BCKDHB: variants seen among roughly 807,000 people sequenced by gnomAD.
BCKDHB encodes the protein 2-oxoisovalerate dehydrogenase subunit beta, mitochondrial.
Under a neutral mutation model 48.5 loss-of-function variants are expected in BCKDHB, and 41 were observed. That is an observed-to-expected ratio of 0.85 (90% CI 0.66 to 1.10). The LOEUF is 1.10. BCKDHB is among the 50% of genes least tolerant of loss of function. The probability of loss-of-function intolerance (pLI) is 0.00; values close to 1 mark genes in which losing one functional copy is unlikely to be tolerated. For missense variants in BCKDHB, 496 were observed against 494.2 expected (o/e 1.00, Z -0.03); for synonymous variants, 201 against 174.8 (o/e 1.15, Z -1.18).
intron 8 of BCKDHB, among the ~76,000 whole-genome samples, chr6:80,240,210 G>A (rs1256357310): frequency 6.6e-6 from 1 of 152,082 alleles, no homozygotes; most frequent in East Asian, 1.9e-4. Context: ...TGATGGGGAT[G>A]GCATTGAATC....
intron 6 of BCKDHB, among the ~76,000 whole-genome samples, chr6:80,185,774 T>C (rs1283585082): frequency 6.6e-6 from 1 of 152,184 alleles, no homozygotes; most frequent in Non-Finnish European, 1.5e-5. Flanking sequence ...TGAGGTGATA[T>C]GTCTTCATAT....
At chr6:80,386,941 A>ACTACATTAC in the BCKDHB span, among the ~76,000 whole-genome samples, 1 of 152,180 alleles carries the variant, frequency 6.6e-6, no homozygotes. Context: ...AAAGGACCCC[A>ACTACATTAC]CTACATTACC....
intron 6 of BCKDHB, among the ~76,000 whole-genome samples, chr6:80,186,581 T>C (rs1773652157): frequency 6.6e-6 from 1 of 152,178 alleles, no homozygotes; most frequent in South Asian, 2.1e-4. Context: ...TATCTGCAAG[T>C]TATATGTGCA....
chr6:80,107,042 CTG>C (rs1769111635), intron 1 of BCKDHB, among the ~76,000 whole-genome samples, 153 bp downstream of exon 1: 1 of 151,960 alleles, frequency 6.6e-6, no homozygotes, highest in Non-Finnish European at 1.5e-5. Context: ...CAGGGTCTAA[CTG>C]TGGTTCACTT....
At position 80,344,289 on chromosome 6, in the gene BCKDHB, G is replaced by A. The variant is rs1335565253; in HGVS notation, c.*485G>A. On this transcript the variant is annotated 3_prime_UTR_variant, in exon 10 of 10. Coordinates refer to ENST00000320393, the MANE Select transcript of BCKDHB (RefSeq NM_183050.4). ...CAAAGTGCTGGGATTACAGGCATGAGCCACTGCACCTGGCTATATTTACAT... is the reference window on the plus strand; with the variant it reads ...CAAAGTGCTGGGATTACAGGCATGAACCACTGCACCTGGCTATATTTACAT... 6 of 198,410 alleles carry A rather than the reference G, an allele frequency of 3.0e-5. No homozygotes were observed. The highest frequency in any genetic ancestry group is 6.2e-5 in the Non-Finnish European group (6 of 96,716). 12.3% of individuals were successfully genotyped at this position (198,410 alleles called of 1,614,324 possible). A position where few individuals can be genotyped will look rare whatever the true frequency, so the allele number is the denominator to read the frequency against.
intron 8 of BCKDHB, among the ~76,000 whole-genome samples, chr6:80,248,692 A>G (rs1043819790): frequency 6.6e-6 from 1 of 152,074 alleles, no homozygotes; most frequent in African/African-American, 2.4e-5. Flanking sequence ...GCATGTGGGA[A>G]AGTTTAAGGT....
At chr6:80,246,868 A>C (rs964165952) in intron 8 of BCKDHB, among the ~76,000 whole-genome samples, 1 of 151,800 alleles carries the variant, frequency 6.6e-6, no homozygotes, top group Non-Finnish European at 1.5e-5. Context: ...TACATAGACA[A>C]ACTCACACAT....
At chr6:80,178,027 A>G (rs1056919918) in intron 6 of BCKDHB, among the ~76,000 whole-genome samples, 1 of 152,196 alleles carries the variant, frequency 6.6e-6, no homozygotes, top group African/African-American at 2.4e-5. Context: ...CTTGTAGAAC[A>G]TACTCTTTCC....
At chr6:80,298,824 C>CG (rs1486846501) in intron 9 of BCKDHB, among the ~76,000 whole-genome samples, 2 of 152,148 alleles carry the variant, frequency 1.3e-5, no homozygotes, top group African/African-American at 4.8e-5. Flanking sequence ...TTGCAGCCAA[C>CG]GCTGAATCAG....
intron 6 of BCKDHB, among the ~76,000 whole-genome samples, chr6:80,178,490 G>A (rs1032582925): frequency 2.1e-4 from 32 of 152,304 alleles, no homozygotes; most frequent in African/African-American, 7.0e-4. Context: ...AATAGGTGAA[G>A]TAGGAACCCC....
the BCKDHB span, among the ~76,000 whole-genome samples, chr6:80,374,861 C>G: frequency 3.9e-5 from 6 of 152,012 alleles, no homozygotes; most frequent in Admixed American, 3.3e-4. Flanking sequence ...GTGAATTCTC[C>G]CAGCATTTGT....
chr6:80,282,462 GTGT>G (rs1253588881), intron 9 of BCKDHB, among the ~76,000 whole-genome samples: 1 of 152,064 alleles, frequency 6.6e-6, no homozygotes, highest in Non-Finnish European at 1.5e-5. Flanking sequence ...ATTCATCTCA[GTGT>G]TGTTCGTTCG....
At chr6:80,170,583 A>G in intron 5 of BCKDHB, among the ~76,000 whole-genome samples, 1 of 152,178 alleles carries the variant, frequency 6.6e-6, no homozygotes, top group East Asian at 1.9e-4. Flanking sequence ...ATAGCTACCT[A>G]GTGGGGTTGC....
intron 9 of BCKDHB, among the ~76,000 whole-genome samples, chr6:80,291,325 A>C (rs1008730403): frequency 6.6e-6 from 1 of 152,202 alleles, no homozygotes; most frequent in Non-Finnish European, 1.5e-5. Context: ...TCTTGCATTC[A>C]GGGTAGAGAG....
the BCKDHB span, among the ~76,000 whole-genome samples, chr6:80,387,330 A>G: frequency 6.6e-6 from 1 of 151,942 alleles, no homozygotes; most frequent in African/African-American, 2.4e-5. Flanking sequence ...ATGGTGGGAA[A>G]GGCTAAATAG....
the BCKDHB span, among the ~76,000 whole-genome samples, chr6:80,387,812 C>T: frequency 6.6e-6 from 1 of 152,230 alleles, no homozygotes; most frequent in Non-Finnish European, 1.5e-5. Context: ...TCGCTTTTCA[C>T]TTCTGCAAGA....
At chr6:80,412,649 A>G in the BCKDHB span, among the ~76,000 whole-genome samples, 62 of 152,222 alleles carry the variant, frequency 4.1e-4, no homozygotes, top group Non-Finnish European at 6.5e-4. Context: ...TATGTTGCTA[A>G]TTAATGTTCT....
At chr6:80,407,283 G>T in the BCKDHB span, among the ~76,000 whole-genome samples, 1 of 152,106 alleles carries the variant, frequency 6.6e-6, no homozygotes, top group Non-Finnish European at 1.5e-5. Flanking sequence ...TTGAAGTCAG[G>T]TAGCATGATA....
At chr6:80,225,017 C>T (rs1180863699) in intron 8 of BCKDHB, among the ~76,000 whole-genome samples, 1 of 152,172 alleles carries the variant, frequency 6.6e-6, no homozygotes, top group Admixed American at 6.5e-5. Context: ...CTAACTTCCA[C>T]CTATTGATTC....
Sources: allele counts gnomAD v4.1 joint callset (sites outside exome capture counted in the v4.1 genomes callset), GRCh38; gene constraint gnomAD v4.1.1; transcripts MANE v1.5; gene names NCBI Gene and HGNC (gene_info 2026-07-23, HGNC 2026-07-21).